NINJ2: variants seen among roughly 807,000 people sequenced by gnomAD.
NINJ2 encodes ninjurin 2.
Under a neutral mutation model 11.7 loss-of-function variants are expected in NINJ2, and 12 were observed. That is an observed-to-expected ratio of 1.02 (90% CI 0.66 to 1.66). The LOEUF (loss-of-function observed/expected upper bound fraction) is 1.66, where lower values mean the gene tolerates loss of function less well. NINJ2 is among the 40% of genes most tolerant of loss of function. The probability of loss-of-function intolerance (pLI) is 0.00; values close to 1 mark genes in which losing one functional copy is unlikely to be tolerated. For synonymous variants in NINJ2, 93 were observed against 76.8 expected (o/e 1.21, Z -1.10); for missense variants, 187 against 181.8 (o/e 1.03, Z -0.16).
intron 1 of NINJ2, among the ~76,000 whole-genome samples, chr12:622,404 CGTCT>C (rs1948163568): frequency 1.3e-5 from 1 of 79,566 alleles, no homozygotes; most frequent in Non-Finnish European, 2.2e-5. Context: ...AGTGAGACTC[CGTCT>C]CAAAAAAAAA....
chr12:661,522 A>G (rs1411221240), intron 1 of NINJ2, among the ~76,000 whole-genome samples: 2 of 152,238 alleles, frequency 1.3e-5, no homozygotes, highest in Admixed American at 1.3e-4. Flanking sequence ...GTTACCTGCT[A>G]GAGAGAGACA....
At chr12:629,896 A>ATATATATATAT (rs1555166136) in intron 1 of NINJ2, among the ~76,000 whole-genome samples, 3 of 9,904 alleles carry the variant, frequency 3.0e-4, no homozygotes, top group Non-Finnish European at 4.7e-4. Flanking sequence ...AAAAAAAAAA[A>ATATATATATAT]ATATATATAT....
At chr12:599,148 G>A (rs997721741) in intron 1 of NINJ2, among the ~76,000 whole-genome samples, 5 of 151,902 alleles carry the variant, frequency 3.3e-5, no homozygotes, top group Non-Finnish European at 7.4e-5. Flanking sequence ...TTGGGAGGCC[G>A]AGGCGGATGG....
At position 636,376 on chromosome 12, in the gene NINJ2, C is replaced by CAAAT. The variant is rs1342822754; in HGVS notation, c.33+26948_33+26951dup. On this transcript the variant is annotated intron_variant, in intron 1 of 3. Coordinates refer to ENST00000305108, the MANE Select transcript of NINJ2 (RefSeq NM_016533.6). Reference sequence around the variant, plus strand: ...GGGCAACAAGAGCAAAACTCCATCTCAAATAAATAAATAAATAAATAGATA... The same window carrying CAAAT: ...GGGCAACAAGAGCAAAACTCCATCTCAAATAAATAAATAAATAAATAAATAGATA... Among the ~76,000 whole-genome samples the CAAAT allele has an allele frequency of 2.9e-3, 310 of 108,348 alleles. 6 individuals are homozygous for CAAAT. The South Asian group carries it at 0.055, about 19-fold the overall frequency. 71.1% of individuals were successfully genotyped at this position (108,348 alleles called of 152,430 possible).
In NINJ2 at chr12:654,221, C is replaced by T. The variant is rs542001857; in HGVS notation, c.33+9107G>A. ...TGTATCAAACAAAAAAAGACACATA[C>T]GGATTAAAAGTAAATGGATGGGGTC... On this transcript the variant is annotated intron_variant, in intron 1 of 3. Coordinates refer to ENST00000305108, the MANE Select transcript of NINJ2 (RefSeq NM_016533.6). 3.1e-4 allele frequency among the ~76,000 whole-genome samples: 47 copies of T among 152,110 alleles called. No individual in the cohort carries two copies. The South Asian group carries it at 3.7e-3, about 12-fold the overall frequency.
intron 1 of NINJ2, among the ~76,000 whole-genome samples, chr12:597,651 T>C (rs1592086542): frequency 6.6e-6 from 1 of 152,250 alleles, no homozygotes; most frequent in African/African-American, 2.4e-5. Flanking sequence ...TGAGGCAAAG[T>C]AGGGCCAAGT....
intron 1 of NINJ2, among the ~76,000 whole-genome samples, chr12:608,981 C>A (rs1947976319): frequency 6.6e-6 from 1 of 152,140 alleles, no homozygotes; most frequent in Non-Finnish European, 1.5e-5. Flanking sequence ...AGGCAACACT[C>A]GCTCACAGAA....
intron 1 of NINJ2, among the ~76,000 whole-genome samples, chr12:576,123 A>G (rs1029082948): frequency 1.3e-5 from 2 of 152,212 alleles, no homozygotes; most frequent in African/African-American, 4.8e-5. Flanking sequence ...AATAATACGT[A>G]ACTGGTCCAG....
intron 1 of NINJ2, among the ~76,000 whole-genome samples, chr12:599,882 C>T (rs967258050): frequency 5.3e-5 from 8 of 152,158 alleles, no homozygotes; most frequent in Non-Finnish European, 1.2e-4. Context: ...TTGCCCGTCT[C>T]GGGCACAGGA....
At chr12:623,860 C>A (rs1466787851) in intron 1 of NINJ2, among the ~76,000 whole-genome samples, 1 of 151,998 alleles carries the variant, frequency 6.6e-6, no homozygotes, top group Non-Finnish European at 1.5e-5. Context: ...ACAGTGAGAC[C>A]CTGTCTCTAC....
chr12:631,785 AAG>A (rs1329953787), intron 1 of NINJ2, among the ~76,000 whole-genome samples: 1 of 152,174 alleles, frequency 6.6e-6, no homozygotes, highest in Non-Finnish European at 1.5e-5. Context: ...ATATTCAATT[AAG>A]AGAGAAAGGT....
At position 610,558 on chromosome 12, in the gene NINJ2, T is replaced by C; in HGVS notation, c.34-44380A>G. 3 of 1,460,460 alleles carry C rather than the reference T, an allele frequency of 2.1e-6. 1 individual carries two copies. In the South Asian group the frequency reaches 4.2e-5, roughly 20 times the overall value. The allele number at this position is 1,460,460 out of a possible 1,614,324, so 90.5% of individuals were successfully genotyped here. A position where few individuals can be genotyped will look rare whatever the true frequency, so the allele number is the denominator to read the frequency against. On this transcript the variant is annotated intron_variant, in intron 1 of 3. Coordinates refer to ENST00000305108, the MANE Select transcript of NINJ2 (RefSeq NM_016533.6). ...CATGCAGCAGATGCCCACCACAGCT[T>C]CACTGGTGGGTTAGCTGCTCTGAGC...
At chr12:582,468 A>G (rs1592076758) in intron 1 of NINJ2, among the ~76,000 whole-genome samples, 1 of 112,962 alleles carries the variant, frequency 8.9e-6, no homozygotes, top group African/African-American at 3.7e-5. Context: ...CAGGCATGCT[A>G]GTGTGAATGA....
chr12:566,178 G>A lies in NINJ2; in HGVS notation c.34C>T (p.Pro12Ser), dbSNP rs754864244. The A allele has an allele frequency of 6.2e-7, 1 of 1,612,430 alleles. No homozygotes were observed. The highest frequency in any genetic ancestry group is 8.5e-7 in the Non-Finnish European group (1 of 1,178,900). The change falls in exon 2 of 4, where the codon CCT becomes TCT. Residue 12 changes from proline (P) to serine (S), a missense_variant and splice_region_variant. Coordinates refer to ENST00000305108, the MANE Select transcript of NINJ2 (RefSeq NM_016533.6). ...TGGCTCCTGGGGTCGGAGCTTCCAG[G>A]CTGTAGGGGAGAAAGCACAGACTTA... is the stretch of plus-strand genomic sequence containing the variant. ...ESARENIDLQ[P>S]GSSDPRSQPI...
At chr12:629,492 GAC>G (rs1365592295) in intron 1 of NINJ2, among the ~76,000 whole-genome samples, 22 of 152,154 alleles carry the variant, frequency 1.4e-4, no homozygotes, top group Admixed American at 1.4e-3. Context: ...AAAACTTCAT[GAC>G]AGTCCAGCAA....
At chr12:617,195 C>T (rs1565637085) in intron 1 of NINJ2, among the ~76,000 whole-genome samples, 1 of 152,064 alleles carries the variant, frequency 6.6e-6, no homozygotes, top group Non-Finnish European at 1.5e-5. Flanking sequence ...CAAAGCAAGA[C>T]TCCATCTCAA....
intron 1 of NINJ2, among the ~76,000 whole-genome samples, chr12:634,169 T>C (rs1014755486): frequency 2.6e-5 from 4 of 150,992 alleles, no homozygotes; most frequent in South Asian, 2.1e-4. Context: ...CCTCCCCCAA[T>C]AGACTATAAG....
At chr12:569,568 T>C (rs1393772929) in intron 1 of NINJ2, among the ~76,000 whole-genome samples, 1 of 152,068 alleles carries the variant, frequency 6.6e-6, no homozygotes, top group Non-Finnish European at 1.5e-5. Flanking sequence ...TCCCCCCAAA[T>C]GTATCGTTAA....
chr12:595,955 G>A (rs1947778970), intron 1 of NINJ2, among the ~76,000 whole-genome samples: 1 of 152,202 alleles, frequency 6.6e-6, no homozygotes, highest in Non-Finnish European at 1.5e-5. Flanking sequence ...CATCAGGAAA[G>A]TGCATATTAA....
Sources: allele counts gnomAD v4.1 joint callset (sites outside exome capture counted in the v4.1 genomes callset), GRCh38; gene constraint gnomAD v4.1.1; transcripts MANE v1.5; gene names NCBI Gene and HGNC (gene_info 2026-07-23, HGNC 2026-07-21).